The following ARHGAP15 variants were observed in gnomAD, a reference collection of about 807,000 sequenced individuals.
ARHGAP15 encodes rho GTPase-activating protein 15.
Under a neutral mutation model 63.7 loss-of-function variants are expected in ARHGAP15, and 51 were observed. That is an observed-to-expected ratio of 0.80 (90% CI 0.64 to 1.01). The LOEUF (loss-of-function observed/expected upper bound fraction) is 1.01. Among genes scored for constraint, ARHGAP15 ranks in the 50% least tolerant of loss-of-function variants. The pLI, the probability that ARHGAP15 is intolerant of heterozygous loss-of-function variation, is 0.00. For missense variants in ARHGAP15, 560 were observed against 564.6 expected (o/e 0.99, Z 0.08); for synonymous variants, 191 against 193.8 (o/e 0.99, Z 0.12).
At chr2:143,627,560 C>T (rs1698883629) in intron 12 of ARHGAP15, among the ~76,000 whole-genome samples, 1 of 152,096 alleles carries the variant, frequency 6.6e-6, no homozygotes, top group Non-Finnish European at 1.5e-5. Context: ...CATTTATACC[C>T]CGTCACAGGG....
rs191345626 is a variant in ARHGAP15, at chr2:143,459,954, G to A, written c.703+22912G>A. On this transcript the variant is annotated intron_variant, in intron 8 of 13. Transcript: ENST00000295095. ...AACTTGTTTGATATGAAGTATTAAA[G>A]CAGAGGCCTGGTCTGCTTGGCCAGA... Among the ~76,000 whole-genome samples the A allele has an allele frequency of 2.2e-4, 33 of 152,258 alleles. No homozygotes were observed. The East Asian group carries it at 6.0e-3, about 28-fold the overall frequency.
chr2:143,605,518 G>T (rs945266279), intron 11 of ARHGAP15, among the ~76,000 whole-genome samples: 1 of 152,026 alleles, frequency 6.6e-6, no homozygotes, highest in Non-Finnish European at 1.5e-5. Context: ...TTGGAACCCA[G>T]GGTCAAAAAC....
intron 5 of ARHGAP15, chr2:143,247,360 A>G (rs1343644360): frequency 6.6e-6 from 1 of 152,358 alleles, no homozygotes; most frequent in Non-Finnish European, 1.5e-5. Context: ...CTTGTACGTG[A>G]GGTGTTTCTC....
intron 6 of ARHGAP15, among the ~76,000 whole-genome samples, chr2:143,349,923 A>G (rs1040210272): frequency 1.3e-5 from 2 of 152,204 alleles, no homozygotes; most frequent in Admixed American, 1.3e-4. Flanking sequence ...GATCTGTAGA[A>G]GAAGAATGGT....
At chr2:143,190,711 A>C (rs928936976) in intron 2 of ARHGAP15, among the ~76,000 whole-genome samples, 4 of 152,140 alleles carry the variant, frequency 2.6e-5, no homozygotes, top group African/African-American at 4.8e-5. Context: ...CCATATCTTC[A>C]TGGTACCAGG....
intron 13 of ARHGAP15, among the ~76,000 whole-genome samples, chr2:143,764,928 C>A (rs1039037822): frequency 1.3e-5 from 2 of 152,188 alleles, no homozygotes; most frequent in African/African-American, 4.8e-5. Flanking sequence ...ACCTTCAATA[C>A]AGTCTTGCTT....
chr2:143,360,431 CAA>C (rs1685997281), intron 6 of ARHGAP15, among the ~76,000 whole-genome samples: 1 of 151,262 alleles, frequency 6.6e-6, no homozygotes, highest in South Asian at 2.1e-4. Context: ...TAATAAATAT[CAA>C]AAGATTATTC....
chr2:143,522,049 T>G (rs1247791887), intron 10 of ARHGAP15: 1 of 152,194 alleles, frequency 6.6e-6, no homozygotes, highest in East Asian at 1.9e-4. Flanking sequence ...TGGCAAAAGA[T>G]GCATTCTTTA....
intron 9 of ARHGAP15, among the ~76,000 whole-genome samples, chr2:143,505,000 A>C (rs2104943156): frequency 6.6e-6 from 1 of 152,296 alleles, no homozygotes; most frequent in East Asian, 1.9e-4. Flanking sequence ...CTGAAGCAAC[A>C]ACTCTTACTC....
intron 6 of ARHGAP15, among the ~76,000 whole-genome samples, chr2:143,398,708 T>G (rs962761127): frequency 6.6e-6 from 1 of 152,122 alleles, no homozygotes; most frequent in Non-Finnish European, 1.5e-5. Flanking sequence ...CTCATTGCAC[T>G]TTCACTTTAG....
chr2:143,360,960 C>A, intron 6 of ARHGAP15, among the ~76,000 whole-genome samples: 1 of 152,072 alleles, frequency 6.6e-6, no homozygotes, highest in East Asian at 1.9e-4. Flanking sequence ...TTGACATTAA[C>A]AATGGGAAAT....
chr2:143,520,962 T>A (rs901761354), intron 10 of ARHGAP15, among the ~76,000 whole-genome samples: 1 of 152,172 alleles, frequency 6.6e-6, no homozygotes, highest in African/African-American at 2.4e-5. Flanking sequence ...TATTATAATA[T>A]TGCAGAGTAG....
At chr2:143,342,538 T>G (rs1042177404) in intron 6 of ARHGAP15, among the ~76,000 whole-genome samples, 3 of 152,072 alleles carry the variant, frequency 2.0e-5, no homozygotes, top group South Asian at 2.1e-4. Flanking sequence ...TCAGTGTTAT[T>G]GTATAAGTAA....
intron 3 of ARHGAP15, 86 bp downstream of exon 3, chr2:143,202,288 T>C (rs1265408256): frequency 8.2e-6 from 9 of 1,099,958 alleles, no homozygotes; most frequent in African/African-American, 1.5e-5. Context: ...GCTTAAGTTA[T>C]TATCTCATTT....
intron 8 of ARHGAP15, chr2:143,472,140 G>A (rs1691606728): frequency 6.6e-6 from 1 of 152,078 alleles, no homozygotes; most frequent in South Asian, 2.1e-4. Context: ...TACATCTGAT[G>A]CAATTCTGAT....
intron 6 of ARHGAP15, among the ~76,000 whole-genome samples, chr2:143,308,874 A>G (rs940092198): frequency 1.1e-4 from 17 of 150,880 alleles, no homozygotes; most frequent in African/African-American, 3.6e-4. Flanking sequence ...TATATTAAAC[A>G]TAAGGGCTAG....
At chr2:143,555,494 A>G (rs1695745936) in intron 10 of ARHGAP15, among the ~76,000 whole-genome samples, 2 of 152,264 alleles carry the variant, frequency 1.3e-5, no homozygotes, top group African/African-American at 2.4e-5. Context: ...ATTTTTAGAT[A>G]CTATTATAGT....
chr2:143,673,237 A>G (rs539319429), intron 12 of ARHGAP15, among the ~76,000 whole-genome samples: 1 of 152,340 alleles, frequency 6.6e-6, no homozygotes, highest in Non-Finnish European at 1.5e-5. Context: ...AAACAAACAG[A>G]GTGTAGACTA....
intron 10 of ARHGAP15, among the ~76,000 whole-genome samples, chr2:143,555,973 G>A (rs1695778834): frequency 6.6e-6 from 1 of 151,858 alleles, no homozygotes; most frequent in African/African-American, 2.4e-5. Context: ...GAAGAGGAGA[G>A]GAAGGAAAGA....
Sources: allele counts gnomAD v4.1 joint callset (sites outside exome capture counted in the v4.1 genomes callset), GRCh38; gene constraint gnomAD v4.1.1; transcripts MANE v1.5; gene names NCBI Gene and HGNC (gene_info 2026-07-23, HGNC 2026-07-21).